ZNF664: variants seen among roughly 807,000 people sequenced by gnomAD.
The protein encoded by ZNF664 is zinc finger protein 664, also known as zinc finger Organ of Corti 1.
A neutral mutation model predicts 18.2 loss-of-function variants in ZNF664; 10 were observed. That is an observed-to-expected ratio of 0.55 (90% CI 0.34 to 0.93). The LOEUF (loss-of-function observed/expected upper bound fraction) is 0.93, where lower values mean the gene tolerates loss of function less well. Ranked by LOEUF, ZNF664 falls within the 40% of genes least tolerant of loss-of-function variation. ZNF664 has a pLI of 0.02. For synonymous variants in ZNF664, 119 were observed against 104.2 expected (o/e 1.14, Z -0.86); for missense variants, 193 against 319.0 (o/e 0.61, Z 3.01).
At position 124,008,752 on chromosome 12, in the gene ZNF664, C is replaced by G. The variant is rs1359854690; in HGVS notation, c.-660-2629C>G. On this transcript the variant is annotated intron_variant, in intron 3 of 4. Coordinates refer to ENST00000337815, the MANE Select transcript of ZNF664 (RefSeq NM_152437.3). ...CCTGGGGTTTGTATATTGAATGCGTCTCACTCAATTGCCTTTCTTATTCCT... is the reference window on the plus strand; with the variant it reads ...CCTGGGGTTTGTATATTGAATGCGTGTCACTCAATTGCCTTTCTTATTCCT... Among the ~76,000 whole-genome samples, 6 of 152,248 alleles carry G rather than the reference C, an allele frequency of 3.9e-5. No individual in the cohort carries two copies. In the East Asian group the frequency reaches 1.2e-3, roughly 29 times the overall value.
chr12:123,983,399 G>C (rs1156514549), intron 2 of ZNF664, among the ~76,000 whole-genome samples: 1 of 152,140 alleles, frequency 6.6e-6, no homozygotes, highest in East Asian at 1.9e-4. Flanking sequence ...AGTGTCTCTT[G>C]TGTCACTTGA....
rs1033061421 is a variant in ZNF664 at position 124,013,951 on chromosome 12, A to T, written c.*1021A>T. The stretch of plus-strand genomic sequence containing the variant: ...TAGGCATGAACGTCTTTATTAATCC[A>T]TCATTCTTTTCTTCATTCAACAAAT... On this transcript the variant is annotated 3_prime_UTR_variant, in exon 5 of 5. Transcript: ENST00000337815. The T allele has an allele frequency of 1.2e-5, 2 of 167,094 alleles. No individual in the cohort carries two copies. The highest frequency in any genetic ancestry group is 4.8e-5 in the African/African-American group (2 of 41,450). The allele number at this position is 167,094 out of a possible 1,614,324, so 10.4% of individuals were successfully genotyped here. A position where few individuals can be genotyped will look rare whatever the true frequency, so the allele number is the denominator to read the frequency against.
intron 2 of ZNF664, among the ~76,000 whole-genome samples, chr12:123,977,080 AAAAC>A (rs1036284118): frequency 4.6e-5 from 7 of 152,200 alleles, no homozygotes; most frequent in Non-Finnish European, 1.0e-4. Flanking sequence ...ACTGTCTCAC[AAAAC>A]AAACAAAACC....
At chr12:124,004,238 C>T (rs1444933188) in intron 3 of ZNF664, among the ~76,000 whole-genome samples, 1 of 152,054 alleles carries the variant, frequency 6.6e-6, no homozygotes, top group African/African-American at 2.4e-5. Flanking sequence ...AGAGGTGAAC[C>T]TGGGTGGAGG....
intron 2 of ZNF664, among the ~76,000 whole-genome samples, chr12:123,976,952 C>A (rs1380437391): frequency 6.6e-6 from 1 of 152,032 alleles, no homozygotes; most frequent in Admixed American, 6.6e-5. Flanking sequence ...TGGTGGCAGG[C>A]ACCCGTATTC....
At chr12:123,992,269 G>A (rs1384770937) in intron 3 of ZNF664, among the ~76,000 whole-genome samples, 3 of 152,202 alleles carry the variant, frequency 2.0e-5, no homozygotes, top group South Asian at 2.1e-4. Context: ...TGGAAGGACT[G>A]TTGTCAGTTT....
chr12:124,011,909 T>A lies in ZNF664; in HGVS notation c.-236T>A. 1 of 1,316,286 alleles carries A rather than the reference T, an allele frequency of 7.6e-7. No individual in the cohort carries two copies. The highest frequency in any genetic ancestry group is 9.6e-7 in the Non-Finnish European group (1 of 1,038,978). 81.5% of individuals were successfully genotyped at this position (1,316,286 alleles called of 1,614,324 possible). A position where few individuals can be genotyped will look rare whatever the true frequency, so the allele number is the denominator to read the frequency against. ...ATGAGTTACAGAATTCACGTGGAAG[T>A]CAATGTCACTTTATAATCGATAATA... is the stretch of plus-strand genomic sequence containing the variant. On this transcript the variant is annotated 5_prime_UTR_variant, in exon 5 of 5. Transcript: ENST00000337815.
At chr12:123,973,586 G>A (rs1956628209) in intron 1 of ZNF664, 3 of 373,610 alleles carry the variant, frequency 8.0e-6, no homozygotes, top group East Asian at 1.5e-4. Context: ...GGTCGGCCGC[G>A]GGCCCGCAGT....
chr12:123,973,835 G>A, intron 1 of ZNF664, 51 bp from the exon 2 acceptor site: 3 of 1,173,910 alleles, frequency 2.6e-6, no homozygotes, highest in East Asian at 3.2e-5. Flanking sequence ...GGACCGGGGA[G>A]CCGGGCGGCT....
chr12:124,011,286 T>A, intron 3 of ZNF664, 95 bp from the exon 4 acceptor site: 2 of 972,138 alleles, frequency 2.1e-6, no homozygotes, highest in Non-Finnish European at 2.4e-6. Flanking sequence ...ATGTTCCCCT[T>A]GATGTTGCTC....
chr12:123,973,240 T>C lies in ZNF664; in HGVS notation c.-1004T>C. 1.0e-6 allele frequency: 1 copy of C among 987,282 alleles called. No homozygotes were observed. Among genetic ancestry groups the C allele is most frequent in the South Asian group, 4.7e-5 (1 of 21,094 alleles). The allele number at this position is 987,282 out of a possible 1,614,324, so 61.2% of individuals were successfully genotyped here. A position where few individuals can be genotyped will look rare whatever the true frequency, so the allele number is the denominator to read the frequency against. ...GCGCTGTCCCCCGGAGGCGTCTGGGTGTGCGGAGCGCGCGCGCGCGCGGCT... is the reference window on the plus strand; with the variant it reads ...GCGCTGTCCCCCGGAGGCGTCTGGGCGTGCGGAGCGCGCGCGCGCGCGGCT... On this transcript the variant is annotated 5_prime_UTR_variant, in exon 1 of 5. Coordinates refer to ENST00000337815, the MANE Select transcript of ZNF664 (RefSeq NM_152437.3).
chr12:123,979,855 A>T (rs952542681), intron 2 of ZNF664, among the ~76,000 whole-genome samples: 1 of 151,828 alleles, frequency 6.6e-6, no homozygotes, highest in Admixed American at 6.6e-5. Context: ...CTGATTTTTA[A>T]ATTTTTTTTG....
chr12:123,994,772 A>G (rs897020358), intron 3 of ZNF664, among the ~76,000 whole-genome samples: 2 of 152,228 alleles, frequency 1.3e-5, no homozygotes, highest in African/African-American at 4.8e-5. Context: ...TGGTATGTTA[A>G]AATCCCTTGG....
chr12:123,975,635 C>A (rs1358062461), intron 2 of ZNF664, among the ~76,000 whole-genome samples: 1 of 152,118 alleles, frequency 6.6e-6, no homozygotes, highest in Non-Finnish European at 1.5e-5. Flanking sequence ...TACTATCTTG[C>A]CCCAACTGGT....
intron 3 of ZNF664, among the ~76,000 whole-genome samples, chr12:123,990,219 A>T (rs981986228): frequency 1.3e-5 from 2 of 152,232 alleles, no homozygotes; most frequent in Non-Finnish European, 2.9e-5. Flanking sequence ...AACAGTGTGT[A>T]TATATGTAAC....
chr12:123,987,388 G>A (rs1956838103), intron 2 of ZNF664, among the ~76,000 whole-genome samples: 1 of 152,236 alleles, frequency 6.6e-6, no homozygotes, highest in Non-Finnish European at 1.5e-5. Flanking sequence ...CAGAGGCGGG[G>A]AGGTAGTAGA....
Position 123,973,890 on chromosome 12 carries a change from C to T in ZNF664, c.-887C>T, listed in dbSNP as rs995363483. 3 of 1,231,738 alleles carry T rather than the reference C, an allele frequency of 2.4e-6. No individual in the cohort carries two copies. Among genetic ancestry groups the T allele is most frequent in the Non-Finnish European group, 2.0e-6 (2 of 988,096 alleles). 76.3% of individuals were successfully genotyped at this position (1,231,738 alleles called of 1,614,324 possible). On this transcript the variant is annotated 5_prime_UTR_variant, in exon 2 of 5. Coordinates refer to ENST00000337815, the MANE Select transcript of ZNF664 (RefSeq NM_152437.3). Reference sequence around the variant, plus strand: ...GGGGTGCTGTGTGTTTTTCAGGGCGCCCTGCGTCCGGCAGAGGAGGCGAGC... The same window carrying T: ...GGGGTGCTGTGTGTTTTTCAGGGCGTCCTGCGTCCGGCAGAGGAGGCGAGC...
intron 3 of ZNF664, among the ~76,000 whole-genome samples, chr12:124,005,483 A>ATGTGTGTGTGTGTGTGTGTGTGTGTG: frequency 7.0e-6 from 1 of 142,924 alleles, no homozygotes; most frequent in African/African-American, 2.6e-5. Flanking sequence ...AATTTATAGA[A>ATGTGTGTGTGTGTGTGTGTGTGTGTG]TGTGTGTGTG....
In ZNF664 at chr12:124,013,259, T is replaced by C; in HGVS notation, c.*329T>C. ...GCCCGGCCTCCTGAGTCACCTTCTATCTATACTTTGCTTAAAAGCTATCCC... is the reference window on the plus strand; with the variant it reads ...GCCCGGCCTCCTGAGTCACCTTCTACCTATACTTTGCTTAAAAGCTATCCC... On this transcript the variant is annotated 3_prime_UTR_variant, in exon 5 of 5. Coordinates refer to ENST00000337815, the MANE Select transcript of ZNF664 (RefSeq NM_152437.3). 3.0e-6 allele frequency: 1 copy of C among 333,708 alleles called. No homozygotes were observed. The allele number at this position is 333,708 out of a possible 1,614,324, so 20.7% of individuals were successfully genotyped here.
Sources: gnomAD v4.1 joint callset for allele counts (sites outside exome capture counted in the v4.1 genomes callset) on GRCh38, gnomAD v4.1.1 for gene constraint, MANE v1.5 for transcripts, NCBI Gene and HGNC (gene_info 2026-07-23, HGNC 2026-07-21) for gene names.